PTH1R: variants seen among roughly 807,000 people sequenced by gnomAD.
The protein encoded by PTH1R is parathyroid hormone/parathyroid hormone-related peptide receptor.
PTH1R carries 32 observed loss-of-function variants against 70.7 expected under a neutral mutation model. The ratio of observed to expected loss-of-function variants is 0.45; its 90% CI spans 0.34 to 0.61. PTH1R has a LOEUF of 0.61. PTH1R is among the 20% of genes least tolerant of loss of function. PTH1R has a pLI of 0.01. For missense variants in PTH1R, 626 were observed against 792.5 expected, an observed-to-expected ratio of 0.79 and a Z score of 2.52; for synonymous variants, 329 against 324.8, an observed-to-expected ratio of 1.01 and a Z score of -0.14.
Position 46,902,410 on chromosome 3 carries a change from T to C in PTH1R, c.1212-116T>C. ...AACTGGGTTGTCCTCCCATGGTGAC[T>C]GGAGCCCTGGGCCCCTTTGAGCTTC... On this transcript the variant is annotated intron_variant, in intron 13 of 15. Coordinates refer to ENST00000449590, the MANE Select transcript of PTH1R (RefSeq NM_000316.3). The surrounding 1 kb of genome is among the most constrained non-coding windows in gnomAD (Gnocchi z 5.4). 1.4e-6 allele frequency: 2 copies of C among 1,399,266 alleles called. No homozygotes were observed. The highest frequency in any genetic ancestry group is 2.5e-5 in the South Asian group (2 of 80,534). The allele number at this position is 1,399,266 out of a possible 1,614,324, so 86.7% of individuals were successfully genotyped here.
At chr3:46,889,093 C>T (rs2031228452) in intron 3 of PTH1R, among the ~76,000 whole-genome samples, 1 of 152,214 alleles carries the variant, frequency 6.6e-6, no homozygotes, top group Non-Finnish European at 1.5e-5. Context: ...CCAGGGGTGC[C>T]AGCATGGGTC....
At chr3:46,889,618 G>A (rs2031271529) in intron 3 of PTH1R, among the ~76,000 whole-genome samples, 1 of 152,202 alleles carries the variant, frequency 6.6e-6, no homozygotes, top group Non-Finnish European at 1.5e-5. Context: ...TGCTGACCAT[G>A]GGGAGGATGT....
In PTH1R at chr3:46,882,140, C is replaced by T. The variant is rs2030619724; in HGVS notation, c.-49+1022C>T. ...ATGTCCCGGGGCGGGGGGCGGAAGG[C>T]TCCTCTCGGCCTCTCCACACTCCCG... On this transcript the variant is annotated intron_variant, in intron 2 of 15. Coordinates refer to ENST00000449590, the MANE Select transcript of PTH1R (RefSeq NM_000316.3). The surrounding 1 kb of genome is among the most constrained non-coding windows in gnomAD (Gnocchi z 4.3). The T allele has an allele frequency of 6.6e-6, 1 of 151,042 alleles. No individual in the cohort carries two copies. Among genetic ancestry groups the T allele is most frequent in the African/African-American group, 2.4e-5 (1 of 41,102 alleles). The allele number at this position is 151,042 out of a possible 1,614,324, so 9.4% of individuals were successfully genotyped here. A position where few individuals can be genotyped will look rare whatever the true frequency, so the allele number is the denominator to read the frequency against.
In PTH1R at chr3:46,879,421, A is replaced by T. The variant is rs191042553; in HGVS notation, c.-106+1578A>T. On this transcript the variant is annotated intron_variant, in intron 1 of 15. Transcript: ENST00000449590. The surrounding 1 kb of genome is among the most constrained non-coding windows in gnomAD (Gnocchi z 4.7). ...AGCAGGGTGGAAGATCAGTGGTCAC[A>T]GAACCATAAAACTTAGAGACACTTA... 6.6e-6 allele frequency among the ~76,000 whole-genome samples: 1 copy of T among 152,364 alleles called. No individual in the cohort carries two copies. Among genetic ancestry groups the T allele is most frequent in the African/African-American group, 2.4e-5 (1 of 41,578 alleles).
rs2030885449 is a variant in PTH1R, at chr3:46,884,433, C to G, written c.75+799C>G. Among the ~76,000 whole-genome samples, 1 of 152,166 alleles carries G rather than the reference C, an allele frequency of 6.6e-6. No homozygotes were observed. Among genetic ancestry groups the G allele is most frequent in the Non-Finnish European group, 1.5e-5 (1 of 68,014 alleles). On this transcript the variant is annotated intron_variant, in intron 3 of 15. Transcript: ENST00000449590. The surrounding 1 kb of genome is among the most constrained non-coding windows in gnomAD (Gnocchi z 4.8). ...AAGAACAGCAAAAAAAATAGGGAGACAGGCAAAGGCAGAAAGCTGGAGACA... is the reference window on the plus strand; with the variant it reads ...AAGAACAGCAAAAAAAATAGGGAGAGAGGCAAAGGCAGAAAGCTGGAGACA...
rs1034118126 is a variant in PTH1R at position 46,883,483 on chromosome 3, C to A, written c.-48-29C>A. ...GGCGTGGGCGGGGCGGCCAGCCTGACGCAGCTCTGCACCCCCTACCACCAC... is the reference window on the plus strand; with the variant it reads ...GGCGTGGGCGGGGCGGCCAGCCTGAAGCAGCTCTGCACCCCCTACCACCAC... On this transcript the variant is annotated intron_variant, in intron 2 of 15. Transcript: ENST00000449590. This position sits in a 1 kb window ranked among gnomAD's most constrained non-coding sequence, Gnocchi z 6.4. 4 of 1,245,594 alleles carry A rather than the reference C, an allele frequency of 3.2e-6. No homozygotes were observed. The allele number at this position is 1,245,594 out of a possible 1,614,324, so 77.2% of individuals were successfully genotyped here. A position where few individuals can be genotyped will look rare whatever the true frequency, so the allele number is the denominator to read the frequency against.
Position 46,901,828 on chromosome 3 carries a change from C to A in PTH1R, c.1179C>A (p.Asn393Lys), listed in dbSNP as rs540373269. The A allele has an allele frequency of 1.2e-6, 2 of 1,614,016 alleles. No individual in the cohort carries two copies. The highest frequency in any genetic ancestry group is 2.2e-5 in the East Asian group (1 of 44,886). ...TCGCCACCAAGCTGCGGGAGACCAA[C>A]GCCGGCCGGTGTGACACACGGCAGC... Reference protein sequence around the residue: ...RVLATKLRETNAGRCDTRQQY... With the variant: ...RVLATKLRETKAGRCDTRQQY... Residue 393 changes from asparagine to lysine, a missense_variant, in exon 13 of 16, where the codon AAC (asparagine) becomes AAA (lysine). Asn to Lys is a moderately conservative substitution (Grantham distance 94). Transcript: ENST00000449590. The surrounding 1 kb of genome is among the most constrained non-coding windows in gnomAD (Gnocchi z 7.3).
At position 46,902,831 on chromosome 3, in the gene PTH1R, G is replaced by A; in HGVS notation, c.1395+41G>A. 1 of 1,611,594 alleles carries A rather than the reference G, an allele frequency of 6.2e-7. No homozygotes were observed. The highest frequency in any genetic ancestry group is 8.5e-7 in the Non-Finnish European group (1 of 1,178,524). Reference sequence around the variant, plus strand: ...TGTTGGCATAGGGCAGGGTGGGGCAGATACCCCAGAGGCTTCCTCAAGGCT... The same window carrying A: ...TGTTGGCATAGGGCAGGGTGGGGCAAATACCCCAGAGGCTTCCTCAAGGCT... On this transcript the variant is annotated intron_variant, in intron 15 of 15. Coordinates refer to ENST00000449590, the MANE Select transcript of PTH1R (RefSeq NM_000316.3). This position sits in a 1 kb window ranked among gnomAD's most constrained non-coding sequence, Gnocchi z 5.4.
intron 1 of PTH1R, among the ~76,000 whole-genome samples, chr3:46,880,825 T>G (rs1228155241): frequency 6.6e-6 from 1 of 152,164 alleles, no homozygotes; most frequent in Admixed American, 6.5e-5. Context: ...GGAAGCTGGA[T>G]GGGCTTGAGC....
chr3:46,899,080 G>T (rs1050619527), intron 9 of PTH1R, among the ~76,000 whole-genome samples: 4 of 152,184 alleles, frequency 2.6e-5, no homozygotes, highest in Non-Finnish European at 5.9e-5. Flanking sequence ...TGCCATCAAG[G>T]CTCCTACCTC....
chr3:46,887,747 A>C (rs778009990), intron 3 of PTH1R, among the ~76,000 whole-genome samples: 5 of 152,238 alleles, frequency 3.3e-5, no homozygotes, highest in Non-Finnish European at 7.3e-5. Context: ...TGTGTGTCTT[A>C]GAGATCTTCA....
chr3:46,895,621 A>G, intron 4 of PTH1R, 114 bp from the exon 5 acceptor site: 1 of 1,508,032 alleles, frequency 6.6e-7, no homozygotes, highest in African/African-American at 1.4e-5. Context: ...AGGTGTCACC[A>G]GGGCAGGAGA....
chr3:46,878,360 AGAGAGGTCTGGG>A (rs1042404021), intron 1 of PTH1R, among the ~76,000 whole-genome samples: 4 of 152,058 alleles, frequency 2.6e-5, no homozygotes, highest in African/African-American at 7.3e-5. Flanking sequence ...CTAGAAGCCG[AGAGAGGTCTGGG>A]GTTGAGGGCT....
chr3:46,897,966 G>A lies in PTH1R; in HGVS notation c.424+1G>A. 6.2e-7 allele frequency: 1 copy of A among 1,614,158 alleles called. No homozygotes were observed. Among genetic ancestry groups the A allele is most frequent in the Non-Finnish European group, 8.5e-7 (1 of 1,180,020 alleles). On this transcript the variant is annotated splice_donor_variant, in intron 6 of 15. Coordinates refer to ENST00000449590, the MANE Select transcript of PTH1R (RefSeq NM_000316.3). LOFTEE classifies it high-confidence loss of function. Reference sequence around the variant, plus strand: ...TACATTTATGACTTCAATCACAAAGGTGAGGCCTGCTGGAAGGGGTGGGGA... The same window carrying A: ...TACATTTATGACTTCAATCACAAAGATGAGGCCTGCTGGAAGGGGTGGGGA...
In PTH1R at chr3:46,898,205, C is replaced by T. The variant is rs930261530; in HGVS notation, c.543+13C>T. 6.2e-7 allele frequency: 1 copy of T among 1,612,610 alleles called. No individual in the cohort carries two copies. Among genetic ancestry groups the T allele is most frequent in the African/African-American group, 1.3e-5 (1 of 74,888 alleles). ...GACTCGTGAACGGGTGCGAGCCTTT[C>T]TCCTCCCCAACCTGACCAGGATAAA... On this transcript the variant is annotated intron_variant, in intron 7 of 15. Coordinates refer to ENST00000449590, the MANE Select transcript of PTH1R (RefSeq NM_000316.3).
At chr3:46,895,232 G>A (rs1470042567) in intron 4 of PTH1R, among the ~76,000 whole-genome samples, 1 of 152,140 alleles carries the variant, frequency 6.6e-6, no homozygotes, top group South Asian at 2.1e-4. Context: ...GGTCTTCTCT[G>A]TCCACTCTTG....
Position 46,899,204 on chromosome 3 carries a change from G to A in PTH1R, c.835-99G>A, listed in dbSNP as rs981377741. The stretch of plus-strand genomic sequence containing the variant: ...CTGCCCCTTCCTGGCCTGTTTGGCC[G>A]GCACCACTTGTCCTCTCCTGCCGCC... On this transcript the variant is annotated intron_variant, in intron 9 of 15. Coordinates refer to ENST00000449590, the MANE Select transcript of PTH1R (RefSeq NM_000316.3). 38 of 1,534,502 alleles carry A rather than the reference G, an allele frequency of 2.5e-5. No individual in the cohort carries two copies. In the South Asian group the frequency reaches 3.1e-4, roughly 12 times the overall value.
At chr3:46,900,485 A>G (rs2032050026) in intron 10 of PTH1R, among the ~76,000 whole-genome samples, 1 of 152,162 alleles carries the variant, frequency 6.6e-6, no homozygotes. Context: ...TCACCCAAAT[A>G]TACCATGTGC....
rs1173554060 is a variant in PTH1R, at chr3:46,898,857, C to T, written c.834C>T (p.Tyr278=). The T allele has an allele frequency of 6.5e-7, 1 of 1,534,256 alleles. No homozygotes were observed. Among genetic ancestry groups the T allele is most frequent in the East Asian group, 2.4e-5 (1 of 40,862 alleles). The part of the protein sequence containing the change: ...PPPPATAAAG[Y]AGCRVAVTFF... The stretch of plus-strand genomic sequence containing the variant: ...CGCCTGCCACCGCCGCTGCCGGCTA[C>T]GTGAGTACCCCTCTGCCCGCCCGCT... The change falls in exon 9 of 16, where the codon TAC becomes TAT. Residue 278 remains tyrosine (Y), a splice_region_variant and synonymous_variant. Transcript: ENST00000449590.
Sources: gnomAD v4.1 joint callset for allele counts (sites outside exome capture counted in the v4.1 genomes callset) on GRCh38, gnomAD v4.1.1 for gene constraint, Gnocchi (gnomAD v3.1) non-coding constraint, MANE v1.5 for transcripts, NCBI Gene and HGNC (gene_info 2026-07-23, HGNC 2026-07-21) for gene names.